STRADA: variants seen among roughly 807,000 people sequenced by gnomAD.
STRADA encodes STE20 related adaptor alpha, also known as STE20-related kinase adapter protein alpha.
Under a neutral mutation model 55.0 loss-of-function variants are expected in STRADA, and 26 were observed. That is an observed-to-expected ratio of 0.47 (90% confidence interval 0.35 to 0.66). The LOEUF (loss-of-function observed/expected upper bound fraction) is 0.66, where lower values mean the gene tolerates loss of function less well. Among genes scored for constraint, STRADA ranks in the 30% least tolerant of loss-of-function variants. STRADA has a pLI of 0.01. For missense variants in STRADA, 443 were observed against 549.7 expected (o/e 0.81, Z 1.94); for synonymous variants, 197 against 210.9 (o/e 0.93, Z 0.57).
At chr17:63,717,475 G>GTTTA (rs1555701718) in intron 4 of STRADA, among the ~76,000 whole-genome samples, 1 of 150,228 alleles carries the variant, frequency 6.7e-6, no homozygotes, top group Non-Finnish European at 1.5e-5. Context: ...GCCCGGCTAA[G>GTTTA]TTTATTTATT....
chr17:63,740,816 A>G (rs2038887586), intron 1 of STRADA, among the ~76,000 whole-genome samples: 1 of 152,200 alleles, frequency 6.6e-6, no homozygotes, highest in Non-Finnish European at 1.5e-5. Flanking sequence ...CACCTCTAAG[A>G]AATCTGATTA....
intron 6 of STRADA, 35 bp from the exon 7 acceptor site, chr17:63,710,871 A>G: frequency 6.3e-7 from 1 of 1,588,988 alleles, no homozygotes; most frequent in South Asian, 1.1e-5. Flanking sequence ...TCAGAACCAA[A>G]TGGCACTGAA....
At chr17:63,717,116 C>T (rs899534737) in intron 4 of STRADA, 1 of 152,182 alleles carries the variant, frequency 6.6e-6, no homozygotes, top group African/African-American at 2.4e-5. Context: ...ATCCTATTCT[C>T]CTCCTCCTTC....
chr17:63,704,571 C>G lies in STRADA; in HGVS notation c.870G>C (p.Glu290Asp). 2.7e-6 allele frequency: 4 copies of G among 1,505,352 alleles called. No individual in the cohort carries two copies. The highest frequency in any genetic ancestry group is 3.6e-6 in the Non-Finnish European group (4 of 1,126,286). The allele number at this position is 1,505,352 out of a possible 1,614,324, so 93.2% of individuals were successfully genotyped here. A position where few individuals can be genotyped will look rare whatever the true frequency, so the allele number is the denominator to read the frequency against. The change falls in exon 11 of 13, where the codon GAG becomes GAC. Residue 290 changes from glutamate (E) to aspartate (D), a missense_variant. Glu to Asp is a conservative substitution (Grantham distance 45). Transcript: ENST00000336174. The stretch of plus-strand genomic sequence containing the variant: ...GGCAGGGCACTGTGCCGTTCAGTTT[C>G]TCTAGCAGCATCTGGGGAGGACAGA... ...KDMPATQMLL[E>D]KLNGTVPCLL...
intron 5 of STRADA, 83 bp downstream of exon 5, chr17:63,713,923 G>A: frequency 8.8e-7 from 1 of 1,131,064 alleles, no homozygotes; most frequent in South Asian, 1.2e-5. Context: ...GGCCTCTGCT[G>A]TACACACATC....
intron 1 of STRADA, among the ~76,000 whole-genome samples, chr17:63,739,975 T>C (rs1186114919): frequency 6.8e-6 from 1 of 146,996 alleles, no homozygotes; most frequent in Non-Finnish European, 1.5e-5. Context: ...GGCAGGTACC[T>C]GTTCCTGGTT....
chr17:63,718,182 C>T (rs2143997639), intron 4 of STRADA, among the ~76,000 whole-genome samples: 1 of 152,310 alleles, frequency 6.6e-6, no homozygotes, highest in East Asian at 1.9e-4. Context: ...CTCGGCCTCC[C>T]AAAGTACTGG....
At chr17:63,741,870 A>C (rs913662999), upstream of STRADA, 1 of 152,426 alleles carries the variant, frequency 6.6e-6, no homozygotes, top group African/African-American at 2.4e-5. Flanking sequence ...GGCGACCGGG[A>C]GGACTGATAG....
chr17:63,704,593 C>A lies in STRADA; in HGVS notation c.859-11G>T. 1 of 1,492,528 alleles carries A rather than the reference C, an allele frequency of 6.7e-7. No individual in the cohort carries two copies. Among genetic ancestry groups the A allele is most frequent in the Non-Finnish European group, 8.9e-7 (1 of 1,128,010 alleles). 92.5% of individuals were successfully genotyped at this position (1,492,528 alleles called of 1,614,324 possible). A position where few individuals can be genotyped will look rare whatever the true frequency, so the allele number is the denominator to read the frequency against. On this transcript the variant is annotated splice_polypyrimidine_tract_variant and intron_variant, in intron 10 of 12. Transcript: ENST00000336174. The stretch of plus-strand genomic sequence containing the variant: ...TTTCTCTAGCAGCATCTGGGGAGGA[C>A]AGAACCAGGACCTGGGCTGTAGCGG...
Position 63,713,529 on chromosome 17 carries a change from TA to T in STRADA, c.227-3del. On this transcript the variant is annotated splice_polypyrimidine_tract_variant and splice_region_variant and intron_variant, in intron 5 of 12. Transcript: ENST00000336174. ...TCATCAGGTCCTCAAATCCTTTGCC[TA>T]AAAGAAAAAGGGAATGCCATACGCA... The T allele has an allele frequency of 6.2e-7, 1 of 1,612,174 alleles. No homozygotes were observed. The highest frequency in any genetic ancestry group is 8.5e-7 in the Non-Finnish European group (1 of 1,179,512).
At chr17:63,728,861 C>T (rs1171018166) in intron 1 of STRADA, among the ~76,000 whole-genome samples, 1 of 147,402 alleles carries the variant, frequency 6.8e-6, no homozygotes, top group African/African-American at 2.5e-5. Context: ...CATTGCATTC[C>T]AGCCTGGGTG....
At chr17:63,711,025 G>C in intron 6 of STRADA, 189 bp from the exon 7 acceptor site, 1 of 583,708 alleles carries the variant, frequency 1.7e-6, no homozygotes, top group Non-Finnish European at 3.0e-6. Context: ...CAGGGACCCA[G>C]CACTGCTTTG....
At chr17:63,732,797 G>A (rs2038161801) in intron 1 of STRADA, among the ~76,000 whole-genome samples, 1 of 151,540 alleles carries the variant, frequency 6.6e-6, no homozygotes. Context: ...GTCCAGGCTG[G>A]TCTTGAACTC....
intron 4 of STRADA, among the ~76,000 whole-genome samples, chr17:63,716,741 G>A (rs2036915546): frequency 6.6e-6 from 1 of 152,208 alleles, no homozygotes; most frequent in Non-Finnish European, 1.5e-5. Context: ...TAAAGGCACT[G>A]AGAAATTCTG....
At chr17:63,736,382 C>T (rs1164997795) in intron 1 of STRADA, among the ~76,000 whole-genome samples, 1 of 151,754 alleles carries the variant, frequency 6.6e-6, no homozygotes, top group Non-Finnish European at 1.5e-5. Flanking sequence ...AATCCCAGAG[C>T]TTTGGGAGGC....
chr17:63,704,203 C>A, intron 11 of STRADA, 138 bp downstream of exon 11: 1 of 1,526,122 alleles, frequency 6.6e-7, no homozygotes, highest in Non-Finnish European at 8.8e-7. Flanking sequence ...TCTGACACAC[C>A]CAGGAGCTGA....
intron 6 of STRADA, among the ~76,000 whole-genome samples, chr17:63,712,937 G>A (rs758709644): frequency 3.3e-5 from 5 of 150,432 alleles, no homozygotes; most frequent in Non-Finnish European, 7.4e-5. Flanking sequence ...GGAGGTGGGG[G>A]TTGCAGTGAG....
At chr17:63,740,695 A>G (rs141104361) in intron 1 of STRADA, among the ~76,000 whole-genome samples, 84 of 152,182 alleles carry the variant, frequency 5.5e-4, no homozygotes, top group Non-Finnish European at 9.6e-4. Context: ...AGTCACACAG[A>G]TAAGTGGTAG....
chr17:63,724,731 C>G (rs925125676), intron 3 of STRADA, among the ~76,000 whole-genome samples: 16 of 151,930 alleles, frequency 1.1e-4, no homozygotes, highest in Middle Eastern at 3.2e-3. Flanking sequence ...ACTTTGAAAC[C>G]ATTTTATTCC....
Sources: gnomAD v4.1 joint callset for allele counts (sites outside exome capture counted in the v4.1 genomes callset) on GRCh38, gnomAD v4.1.1 for gene constraint, MANE v1.5 for transcripts, NCBI Gene and HGNC (gene_info 2026-07-23, HGNC 2026-07-21) for gene names.